The following CCDC88B variants were observed in gnomAD, a reference collection of about 807,000 sequenced individuals.
The protein encoded by CCDC88B is coiled-coil domain-containing protein 88B.
In CCDC88B, 138 loss-of-function variants were observed where a neutral mutation model predicts 183.7. The observed-to-expected ratio is 0.75, with a 90% CI of 0.65 to 0.87. The LOEUF is 0.87. Ranked by LOEUF, CCDC88B falls within the 40% of genes least tolerant of loss-of-function variation. The pLI is 0.00. For missense variants in CCDC88B, 1,822 were observed against 1,965.6 expected, an observed-to-expected ratio of 0.93 and a Z score of 1.38; for synonymous variants, 835 against 867.5, an observed-to-expected ratio of 0.96 and a Z score of 0.66.
In CCDC88B at chr11:64,341,593, C is replaced by T; in HGVS notation, c.532-6C>T. 6.2e-7 allele frequency: 1 copy of T among 1,601,542 alleles called. No individual in the cohort carries two copies. The highest frequency in any genetic ancestry group is 8.5e-7 in the Non-Finnish European group (1 of 1,173,168). ...CTTCCACTGAACTGCTCTTCCTGCG[C>T]CCCAGGTGACCCAGCCGGGGGCCGG... On this transcript the variant is annotated splice_polypyrimidine_tract_variant and splice_region_variant and intron_variant, in intron 6 of 26. Transcript: ENST00000356786.
Position 64,343,905 on chromosome 11 carries a change from A to G in CCDC88B, c.1446A>G (p.Pro482=). The change falls in exon 13 of 27, where the codon CCA becomes CCG. Residue 482 remains proline (P), a synonymous_variant. Transcript: ENST00000356786. The part of the protein sequence containing the change: ...RGLLQVLQGQ[P]GGQHPLLEAP... ...TGCTTCAGGTGCTTCAGGGGCAGCC[A>G]GGGGGCCAGGTAAGTCCCCTCCCCC... 6.2e-7 allele frequency: 1 copy of G among 1,602,888 alleles called. No individual in the cohort carries two copies. Among genetic ancestry groups the G allele is most frequent in the Non-Finnish European group, 8.5e-7 (1 of 1,174,726 alleles).
At chr11:64,356,618 C>T (rs762642584) in intron 26 of CCDC88B, 6 of 224,144 alleles carry the variant, frequency 2.7e-5, no homozygotes, top group Admixed American at 5.3e-5. Flanking sequence ...CTTTGAAGCA[C>T]GTCACAGGCC....
Position 64,341,735 on chromosome 11 carries a change from G to C in CCDC88B, c.668G>C (p.Gly223Ala), listed in dbSNP as rs1392375553. The change falls in exon 7 of 27, where the codon GGG (glycine) becomes GCG (alanine). Residue 223 changes from glycine to alanine, a missense_variant. Physicochemically the swap from Gly to Ala is moderately conservative, Grantham distance 60. Transcript: ENST00000356786. Reference protein sequence around the residue: ...LSKLARERDLGAQRLAELLLE... With the variant: ...LSKLARERDLAAQRLAELLLE... Reference sequence around the variant, plus strand: ...AAGCTGGCACGGGAGCGTGACCTGGGGGCCCAGGTAGGGGCAGCAGGGGCA... The same window carrying C: ...AAGCTGGCACGGGAGCGTGACCTGGCGGCCCAGGTAGGGGCAGCAGGGGCA... The C allele has an allele frequency of 6.4e-7, 1 of 1,568,346 alleles. No homozygotes were observed. The highest frequency in any genetic ancestry group is 8.6e-7 in the Non-Finnish European group (1 of 1,160,934).
Position 64,352,397 on chromosome 11 carries a change from C to T in CCDC88B, c.3356+11C>T. On this transcript the variant is annotated intron_variant, in intron 19 of 26. Transcript: ENST00000356786. ...GGAGCTGCAGGGCCGGTGAGCATCA[C>T]CAAATGCCCAGCTCCTCCCCTGGCA... The T allele has an allele frequency of 1.3e-6, 2 of 1,520,628 alleles. No individual in the cohort carries two copies. Among genetic ancestry groups the T allele is most frequent in the East Asian group, 2.5e-5 (1 of 40,446 alleles). The allele number at this position is 1,520,628 out of a possible 1,614,324, so 94.2% of individuals were successfully genotyped here. A position where few individuals can be genotyped will look rare whatever the true frequency, so the allele number is the denominator to read the frequency against.
intron 14 of CCDC88B, among the ~76,000 whole-genome samples, chr11:64,347,162 C>T (rs1465062686): frequency 6.6e-6 from 1 of 152,248 alleles, no homozygotes; most frequent in Non-Finnish European, 1.5e-5. Flanking sequence ...CTGTACCAGG[C>T]TCTGGGCACA....
chr11:64,355,175 C>A lies in CCDC88B; in HGVS notation c.4100-19C>A. The A allele has an allele frequency of 7.0e-7, 1 of 1,436,834 alleles. No homozygotes were observed. The highest frequency in any genetic ancestry group is 9.1e-7 in the Non-Finnish European group (1 of 1,094,446). The allele number at this position is 1,436,834 out of a possible 1,614,324, so 89.0% of individuals were successfully genotyped here. Reference sequence around the variant, plus strand: ...CCCGTCCCCTCCTCTCACCCCCTCCCTGCATGTACCTCTTGCAGGGTCCCC... The same window carrying A: ...CCCGTCCCCTCCTCTCACCCCCTCCATGCATGTACCTCTTGCAGGGTCCCC... On this transcript the variant is annotated intron_variant, in intron 24 of 26. Coordinates refer to ENST00000356786, the MANE Select transcript of CCDC88B (RefSeq NM_032251.6).
intron 19 of CCDC88B, among the ~76,000 whole-genome samples, 175 bp downstream of exon 19, chr11:64,352,561 C>A (rs2036379486): frequency 6.6e-6 from 1 of 152,250 alleles, no homozygotes; most frequent in South Asian, 2.1e-4. Context: ...GGGTTGGGCT[C>A]CCCGTGGGGC....
Position 64,344,528 on chromosome 11 carries a change from C to T in CCDC88B, c.1987C>T (p.Gln663Ter), listed in dbSNP as rs1456723546. 1 of 1,605,058 alleles carries T rather than the reference C, an allele frequency of 6.2e-7. No homozygotes were observed. The highest frequency in any genetic ancestry group is 8.5e-7 in the Non-Finnish European group (1 of 1,175,758). ...GCCCAGCTCTGTGCAGCTGGAGGAG[C>T]AGGAGGGCCCAAACCAGGGCCTGGA... ...SEPSSVQLEE[Q>*]EGPNQGLDLA... Residue 663 changes from glutamine (Q) to a stop codon, truncating the protein, a stop_gained, in exon 14 of 27, where the codon CAG becomes TAG. Coordinates refer to ENST00000356786, the MANE Select transcript of CCDC88B (RefSeq NM_032251.6). LOFTEE classifies it high-confidence loss of function. The surrounding 1 kb of genome is among the most constrained non-coding windows in gnomAD (Gnocchi z 4.5).
At chr11:64,343,454 ACT>A in intron 11 of CCDC88B, 51 bp from the exon 12 acceptor site, 1 of 1,545,740 alleles carries the variant, frequency 6.5e-7, no homozygotes. Context: ...CGACCTACAC[ACT>A]CGGCCTGGCC....
rs1392365470 is a variant in CCDC88B, at chr11:64,345,101, CG to C, written c.2561del (p.Arg854ProfsTer85). On this transcript the variant is annotated frameshift_variant, in exon 14 of 27. Transcript: ENST00000356786. LOFTEE classifies it high-confidence loss of function. ...GATGCAGGTGCTGGAGAGCGAGGGCCGCCAGCACTTGGAGGAGGCTGAGAGG... is the reference window on the plus strand; with the variant it reads ...GATGCAGGTGCTGGAGAGCGAGGGCCCCAGCACTTGGAGGAGGCTGAGAGG... ...ERMQVLESEG[R>X]QHLEEAERER... is the part of the protein sequence containing the mutation. The C allele has an allele frequency of 6.4e-7, 1 of 1,551,012 alleles. No individual in the cohort carries two copies. Among genetic ancestry groups the C allele is most frequent in the Non-Finnish European group, 8.7e-7 (1 of 1,151,634 alleles).
chr11:64,349,210 C>CTT, intron 14 of CCDC88B, 121 bp from the exon 15 acceptor site: 1 of 1,194,066 alleles, frequency 8.4e-7, no homozygotes, highest in Non-Finnish European at 1.2e-6. Context: ...AGCCCAAAGG[C>CTT]TTAATGATAC....
At chr11:64,351,385 G>A in intron 17 of CCDC88B, 91 bp from the exon 18 acceptor site, 3 of 1,532,166 alleles carry the variant, frequency 2.0e-6, no homozygotes, top group Non-Finnish European at 2.6e-6. Context: ...CCGGGGGTGG[G>A]GGTGCCCCAT....
chr11:64,351,189 CA>C lies in CCDC88B; in HGVS notation c.2897del (p.Lys966SerfsTer127). ...GCCAGGGCCCCGCGGGGCTGGGGCCCAAAAAGCGTGCGGAGCCTCAGCTGGT... is the reference window on the plus strand; with the variant it reads ...GCCAGGGCCCCGCGGGGCTGGGGCCCAAAAGCGTGCGGAGCCTCAGCTGGT... ...LRQGPAGLGPKKRAEPQLVET... is the reference protein window; with the variant it reads ...LRQGPAGLGPXKRAEPQLVET... On this transcript the variant is annotated frameshift_variant, in exon 17 of 27. Coordinates refer to ENST00000356786, the MANE Select transcript of CCDC88B (RefSeq NM_032251.6). LOFTEE classifies it high-confidence loss of function. The C allele has an allele frequency of 2.0e-6, 3 of 1,512,214 alleles. No individual in the cohort carries two copies. Among genetic ancestry groups the C allele is most frequent in the Non-Finnish European group, 8.8e-7 (1 of 1,131,984 alleles). The allele number at this position is 1,512,214 out of a possible 1,614,324, so 93.7% of individuals were successfully genotyped here.
rs934788369 is a variant in CCDC88B, at chr11:64,342,276, G to A, written c.822-18G>A. 6.3e-7 allele frequency: 1 copy of A among 1,577,272 alleles called. No homozygotes were observed. Among genetic ancestry groups the A allele is most frequent in the Non-Finnish European group, 8.6e-7 (1 of 1,162,234 alleles). On this transcript the variant is annotated intron_variant, in intron 8 of 26. Transcript: ENST00000356786. ...GTTGTGGGCCCCCAGACCCTCCCTA[G>A]ACTCCCCTTCCCTCCAGGGAGGAGA...
At chr11:64,351,957 C>T (rs1205718077) in intron 18 of CCDC88B, among the ~76,000 whole-genome samples, 173 bp from the exon 19 acceptor site, 1 of 152,198 alleles carries the variant, frequency 6.6e-6, no homozygotes, top group Non-Finnish European at 1.5e-5. Context: ...CCCCTGCTCA[C>T]CATCAGCCTC....
intron 5 of CCDC88B, 34 bp from the exon 6 acceptor site, chr11:64,341,387 T>TC: frequency 6.2e-7 from 1 of 1,613,716 alleles, no homozygotes; most frequent in Non-Finnish European, 8.5e-7. Context: ...AGGAGGGAGA[T>TC]CCTGCACCAG....
At chr11:64,352,089 G>A (rs1269064952) in intron 18 of CCDC88B, 41 bp from the exon 19 acceptor site, 1 of 1,514,932 alleles carries the variant, frequency 6.6e-7, no homozygotes, top group South Asian at 1.3e-5. Context: ...TCCAGCCAGG[G>A]GTTCCTCCCC....
chr11:64,346,640 C>T (rs1375587741), intron 14 of CCDC88B, among the ~76,000 whole-genome samples: 2 of 151,932 alleles, frequency 1.3e-5, no homozygotes, highest in South Asian at 2.1e-4. Flanking sequence ...CGGGGTTTCA[C>T]CATGTTAGCC....
chr11:64,354,040 G>A lies in CCDC88B; in HGVS notation c.3969G>A (p.Leu1323=). ...GGCTGGCAGACAAGGTGAAGAGGCT[G>A]ATGCGGCCCCGGCGGGAGGGGGGCC... The part of the protein sequence containing the change: ...GSWLADKVKR[L]MRPRREGGPP... Residue 1323 remains leucine (L), a synonymous_variant, in exon 24 of 27, where the codon CTG becomes CTA. Coordinates refer to ENST00000356786, the MANE Select transcript of CCDC88B (RefSeq NM_032251.6). 1 of 1,468,672 alleles carries A rather than the reference G, an allele frequency of 6.8e-7. No individual in the cohort carries two copies. Among genetic ancestry groups the A allele is most frequent in the Non-Finnish European group, 9.0e-7 (1 of 1,105,190 alleles). The allele number at this position is 1,468,672 out of a possible 1,614,324, so 91.0% of individuals were successfully genotyped here.
Sources: gnomAD v4.1 joint callset for allele counts (sites outside exome capture counted in the v4.1 genomes callset) on GRCh38, gnomAD v4.1.1 for gene constraint, Gnocchi (gnomAD v3.1) non-coding constraint, MANE v1.5 for transcripts, NCBI Gene and HGNC (gene_info 2026-07-23, HGNC 2026-07-21) for gene names.